Variants in FSTL4 observed in about 807,000 individuals in gnomAD.
FSTL4 encodes follistatin-related protein 4.
A neutral mutation model predicts 78.2 loss-of-function variants in FSTL4; 28 were observed. The ratio of observed to expected loss-of-function variants is 0.36; its 90% CI spans 0.27 to 0.49. The LOEUF (loss-of-function observed/expected upper bound fraction) is 0.49. FSTL4 is among the 20% of genes least tolerant of loss of function. The probability of loss-of-function intolerance (pLI) is 0.98; values close to 1 mark genes in which losing one functional copy is unlikely to be tolerated. For missense variants in FSTL4, 922 were observed against 1,084.9 expected (o/e 0.85, Z 2.11); for synonymous variants, 422 against 440.5 (o/e 0.96, Z 0.53).
At chr5:133,390,392 G>A (rs1280023289) in intron 4 of FSTL4, among the ~76,000 whole-genome samples, 1 of 152,278 alleles carries the variant, frequency 6.6e-6, no homozygotes, top group Non-Finnish European at 1.5e-5. Flanking sequence ...CTCTCTAGGA[G>A]ATGTCCAAAC....
chr5:133,320,015 C>T (rs79818928), intron 4 of FSTL4, among the ~76,000 whole-genome samples: 266 of 152,298 alleles, frequency 1.7e-3, no homozygotes, highest in African/African-American at 3.8e-3. Flanking sequence ...AGTCCAAACT[C>T]GCTTTTTGGG....
the FSTL4 span, among the ~76,000 whole-genome samples, chr5:133,664,465 A>G: frequency 9.2e-5 from 14 of 152,272 alleles, no homozygotes; most frequent in Non-Finnish European, 1.9e-4. Context: ...TCCCCAAGGG[A>G]GGCTGGCACG....
intron 3 of FSTL4, among the ~76,000 whole-genome samples, chr5:133,452,702 G>A (rs1355093899): frequency 2.0e-5 from 3 of 152,250 alleles, no homozygotes; most frequent in Non-Finnish European, 4.4e-5. Flanking sequence ...AAGTAGTAGA[G>A]CCAGGATTTG....
the FSTL4 span, among the ~76,000 whole-genome samples, chr5:133,623,297 A>G: frequency 6.6e-6 from 1 of 152,124 alleles, no homozygotes. Context: ...GTACTGGTAT[A>G]AGGACAGACA....
At chr5:133,349,128 T>G (rs1331329111) in intron 4 of FSTL4, among the ~76,000 whole-genome samples, 1 of 152,152 alleles carries the variant, frequency 6.6e-6, no homozygotes, top group Non-Finnish European at 1.5e-5. Flanking sequence ...TGTGACAACT[T>G]CAGTCCTCTT....
At chr5:133,773,985 T>G in the FSTL4 span, among the ~76,000 whole-genome samples, 1 of 152,102 alleles carries the variant, frequency 6.6e-6, no homozygotes, top group Non-Finnish European at 1.5e-5. Flanking sequence ...GAAAAAGAAG[T>G]GTTGAGACCT....
At chr5:133,466,907 T>C (rs1757720035) in intron 3 of FSTL4, among the ~76,000 whole-genome samples, 1 of 151,638 alleles carries the variant, frequency 6.6e-6, no homozygotes, top group African/African-American at 2.4e-5. Context: ...TGTGTGTGTG[T>C]GTAAGTGTGA....
intron 3 of FSTL4, among the ~76,000 whole-genome samples, chr5:133,486,536 T>C (rs1475665883): frequency 6.6e-6 from 1 of 152,182 alleles, no homozygotes. Context: ...TGAAAGCGCA[T>C]TTGAGGAGAT....
chr5:133,214,390 G>A (rs1750841238), intron 13 of FSTL4, among the ~76,000 whole-genome samples: 1 of 152,184 alleles, frequency 6.6e-6, no homozygotes, highest in South Asian at 2.1e-4. Flanking sequence ...TATTTGCCAA[G>A]AGAAACACGA....
intron 13 of FSTL4, among the ~76,000 whole-genome samples, chr5:133,212,585 C>T (rs1162831819): frequency 6.6e-6 from 1 of 151,714 alleles, no homozygotes; most frequent in Non-Finnish European, 1.5e-5. Flanking sequence ...AGAACATATC[C>T]AAATTGAAGC....
chr5:133,787,077 A>T, the FSTL4 span, among the ~76,000 whole-genome samples: 1 of 152,178 alleles, frequency 6.6e-6, no homozygotes, highest in Admixed American at 6.5e-5. Flanking sequence ...CTCAAACTTG[A>T]TGTCCCAGGA....
intron 6 of FSTL4, among the ~76,000 whole-genome samples, chr5:133,288,581 C>A (rs1386541339): frequency 2.6e-5 from 4 of 152,218 alleles, no homozygotes; most frequent in African/African-American, 9.6e-5. Flanking sequence ...TGCTCAGAGC[C>A]CCCAGCAAGA....
intron 6 of FSTL4, among the ~76,000 whole-genome samples, chr5:133,305,490 G>A (rs147884398): frequency 3.1e-4 from 47 of 152,234 alleles, no homozygotes; most frequent in African/African-American, 9.9e-4. Context: ...CTAGCTCGGC[G>A]TTCAGGTATC....
At chr5:133,292,318 C>T (rs1753283365) in intron 6 of FSTL4, among the ~76,000 whole-genome samples, 3 of 152,228 alleles carry the variant, frequency 2.0e-5, no homozygotes, top group Admixed American at 2.0e-4. Flanking sequence ...AGAGCTCAGA[C>T]CACCAGGCCT....
the FSTL4 span, among the ~76,000 whole-genome samples, chr5:133,753,553 G>C: frequency 6.6e-6 from 1 of 152,196 alleles, no homozygotes; most frequent in South Asian, 2.1e-4. Flanking sequence ...AAGCCAGGTG[G>C]TAACTCTCAC....
the FSTL4 span, among the ~76,000 whole-genome samples, chr5:133,735,918 A>G: frequency 2.0e-5 from 3 of 152,298 alleles, no homozygotes; most frequent in African/African-American, 7.2e-5. Context: ...CTTCTCCACT[A>G]CCCATTTTCT....
At chr5:133,807,435 A>G in the FSTL4 span, among the ~76,000 whole-genome samples, 1 of 152,216 alleles carries the variant, frequency 6.6e-6, no homozygotes, top group South Asian at 2.1e-4. Flanking sequence ...GGGGCTCCTC[A>G]TACTTTAAAC....
intron 6 of FSTL4, among the ~76,000 whole-genome samples, chr5:133,260,145 G>C (rs1272594062): frequency 6.6e-6 from 1 of 152,176 alleles, no homozygotes; most frequent in East Asian, 1.9e-4. Context: ...AAGTTTCCTG[G>C]GGTTGGACTG....
chr5:133,530,622 G>A (rs1759231748), intron 3 of FSTL4, among the ~76,000 whole-genome samples: 1 of 152,220 alleles, frequency 6.6e-6, no homozygotes, highest in Admixed American at 6.5e-5. Context: ...GAGAACATAT[G>A]AGTTTAGCTA....
Sources: allele counts gnomAD v4.1 joint callset (sites outside exome capture counted in the v4.1 genomes callset), GRCh38; gene constraint gnomAD v4.1.1; transcripts MANE v1.5; gene names NCBI Gene and HGNC (gene_info 2026-07-23, HGNC 2026-07-21).